The following HMCN2 variants were observed in gnomAD, a reference collection of about 807,000 sequenced individuals.
The protein encoded by HMCN2 is hemicentin 2.
In HMCN2, 325 loss-of-function variants were observed where a neutral mutation model predicts 377.5. The ratio of observed to expected loss-of-function variants is 0.86; its 90% confidence interval spans 0.79 to 0.94. HMCN2 has a LOEUF of 0.94. Among genes scored for constraint, HMCN2 ranks in the 40% least tolerant of loss-of-function variants. The pLI, the probability that HMCN2 is intolerant of heterozygous loss-of-function variation, is 0.00. For missense variants in HMCN2, 4,543 were observed against 4,725.3 expected (o/e 0.96, Z 1.13); for synonymous variants, 2,007 against 2,046.8 (o/e 0.98, Z 0.53).
At chr9:130,348,486 C>T in intron 26 of HMCN2, 59 bp from the exon 27 acceptor site, 4 of 1,287,946 alleles carry the variant, frequency 3.1e-6, no homozygotes, top group Non-Finnish European at 4.1e-6. Flanking sequence ...GATGAGGTCC[C>T]TTCGGCTGTG....
At chr9:130,329,756 T>C (rs1051358699) in intron 22 of HMCN2, among the ~76,000 whole-genome samples, 2 of 151,784 alleles carry the variant, frequency 1.3e-5, no homozygotes, top group African/African-American at 4.8e-5. Flanking sequence ...GCCTCACTTT[T>C]GATTGTACTT....
At position 130,372,367 on chromosome 9, in the gene HMCN2, G is replaced by C; in HGVS notation, c.7311G>C (p.Glu2437Asp). The C allele has an allele frequency of 2.0e-6, 2 of 985,954 alleles. No individual in the cohort carries two copies. The highest frequency in any genetic ancestry group is 1.2e-6 in the Non-Finnish European group (1 of 830,038). The allele number at this position is 985,954 out of a possible 1,614,324, so 61.1% of individuals were successfully genotyped here. A position where few individuals can be genotyped will look rare whatever the true frequency, so the allele number is the denominator to read the frequency against. The change falls in exon 47 of 98, where the codon GAG (glutamate) becomes GAC (aspartate). Residue 2437 changes from glutamate (E) to aspartate (D), a missense_variant. Around this residue, in one of 5 missense-constraint regions of HMCN2, gnomAD observed 1,032 missense variants for 1,285.1 expected, o/e 0.80. Coordinates refer to ENST00000683500, the MANE Select transcript of HMCN2 (RefSeq NM_001291815.2). ...TCTACTCATGCCTGGCAAGCAACGAGGCTGGGGAGGCACGGAGGAACTTCA... is the reference window on the plus strand; with the variant it reads ...TCTACTCATGCCTGGCAAGCAACGACGCTGGGGAGGCACGGAGGAACTTCA... ...SGLYSCLASN[E>D]AGEARRNFSV...
chr9:130,284,840 C>T (rs183791822), intron 2 of HMCN2, among the ~76,000 whole-genome samples, 167 bp downstream of exon 2: 1 of 152,316 alleles, frequency 6.6e-6, no homozygotes, highest in African/African-American at 2.4e-5. Flanking sequence ...CCCATGGCCC[C>T]CTCCATCCTT....
At chr9:130,282,140 C>A (rs114083961) in intron 1 of HMCN2, among the ~76,000 whole-genome samples, 288 of 152,324 alleles carry the variant, frequency 1.9e-3, no homozygotes, top group African/African-American at 6.3e-3. Context: ...CATATTGAAG[C>A]AACACTGTCT....
chr9:130,342,530 C>A (rs2131482615), intron 25 of HMCN2, 94 bp downstream of exon 25: 1 of 152,346 alleles, frequency 6.6e-6, no homozygotes, highest in African/African-American at 2.4e-5. Context: ...TTGCACGTGG[C>A]AGGCCCACGG....
intron 62 of HMCN2, among the ~76,000 whole-genome samples, chr9:130,390,255 C>T (rs1842239350): frequency 6.6e-6 from 1 of 152,184 alleles, no homozygotes; most frequent in Non-Finnish European, 1.5e-5. Flanking sequence ...CTCCCCCACC[C>T]TTCCTGTCCC....
chr9:130,399,399 C>T, intron 75 of HMCN2, 112 bp from the exon 76 acceptor site: 1 of 1,132,246 alleles, frequency 8.8e-7, no homozygotes, highest in Non-Finnish European at 1.1e-6. Context: ...AGAGTCAGGG[C>T]TGGAGGTCAG....
chr9:130,330,589 C>T lies in HMCN2; in HGVS notation c.3359+3114C>T, dbSNP rs1011231346. ...AGGTGGGCCACTGCTCTCTGAACTCCTAGGTATCTTCGACCCCCCCAAGTC... is the reference window on the plus strand; with the variant it reads ...AGGTGGGCCACTGCTCTCTGAACTCTTAGGTATCTTCGACCCCCCCAAGTC... On this transcript the variant is annotated intron_variant, in intron 22 of 97. Transcript: ENST00000683500. Among the ~76,000 whole-genome samples, 58 of 152,156 alleles carry T rather than the reference C, an allele frequency of 3.8e-4. 1 individual carries two copies. The South Asian group carries it at 9.3e-3, about 25-fold the overall frequency.
chr9:130,316,006 C>T (rs1287480816), intron 15 of HMCN2, among the ~76,000 whole-genome samples: 6 of 152,158 alleles, frequency 3.9e-5, no homozygotes, highest in East Asian at 3.9e-4. Context: ...CAGTTCAGCC[C>T]GTAGCAGACA....
At position 130,304,512 on chromosome 9, in the gene HMCN2, G is replaced by T. The variant is rs962810194; in HGVS notation, c.1544-218G>T. Reference sequence around the variant, plus strand: ...GGCGTGTACCGTGCAGCCCCTGGCAGGTGTATAATGGTGGTGGGAGAAGTG... The same window carrying T: ...GGCGTGTACCGTGCAGCCCCTGGCATGTGTATAATGGTGGTGGGAGAAGTG... On this transcript the variant is annotated intron_variant, in intron 10 of 97. Coordinates refer to ENST00000683500, the MANE Select transcript of HMCN2 (RefSeq NM_001291815.2). This position sits in a 1 kb window ranked among gnomAD's most constrained non-coding sequence, Gnocchi z 4.3. 2.0e-5 allele frequency among the ~76,000 whole-genome samples: 3 copies of T among 152,230 alleles called. No homozygotes were observed. The highest frequency in any genetic ancestry group is 1.3e-4 in the Admixed American group (2 of 15,286).
intron 15 of HMCN2, among the ~76,000 whole-genome samples, chr9:130,313,656 T>C (rs2131375940): frequency 6.6e-6 from 1 of 151,204 alleles, no homozygotes; most frequent in South Asian, 2.1e-4. Context: ...CTCGGTGAGG[T>C]GGGGCGACTC....
rs994871924 is a variant in HMCN2, at chr9:130,361,340, C to T, written c.5951-668C>T. Among the ~76,000 whole-genome samples, 18 of 152,204 alleles carry T rather than the reference C, an allele frequency of 1.2e-4. No individual in the cohort carries two copies. Among genetic ancestry groups the T allele is most frequent in the African/African-American group, 4.3e-4 (18 of 41,442 alleles). On this transcript the variant is annotated intron_variant, in intron 38 of 97. Coordinates refer to ENST00000683500, the MANE Select transcript of HMCN2 (RefSeq NM_001291815.2). This position sits in a 1 kb window ranked among gnomAD's most constrained non-coding sequence, Gnocchi z 4.8. ...GGAGGCATCTTTGACACTTGGATAC[C>T]TACACTGAGGTCTCTGCCAAGGCCT...
Position 130,433,718 on chromosome 9 carries a change from C to T in HMCN2, c.*25C>T. ...AACGGGAGAGGGCATTGGCGGCCGCCCTGGCGTGACCCCCGAGGAAGGGGT... is the reference window on the plus strand; with the variant it reads ...AACGGGAGAGGGCATTGGCGGCCGCTCTGGCGTGACCCCCGAGGAAGGGGT... On this transcript the variant is annotated 3_prime_UTR_variant, in exon 98 of 98. Coordinates refer to ENST00000683500, the MANE Select transcript of HMCN2 (RefSeq NM_001291815.2). The T allele has an allele frequency of 7.1e-7, 1 of 1,416,512 alleles. No homozygotes were observed. Among genetic ancestry groups the T allele is most frequent in the Non-Finnish European group, 9.2e-7 (1 of 1,083,468 alleles). The allele number at this position is 1,416,512 out of a possible 1,614,324, so 87.7% of individuals were successfully genotyped here.
In HMCN2 at chr9:130,369,135, CCTAT is replaced by C. The variant is rs369816618; in HGVS notation, c.6788-431_6788-428del. Among the ~76,000 whole-genome samples, 202 of 152,274 alleles carry C rather than the reference CCTAT, an allele frequency of 1.3e-3. 3 individuals carry two copies. Among genetic ancestry groups the C allele is most frequent in the African/African-American group, 4.1e-3 (171 of 41,538 alleles). ...CCTATATATGATGGAAACCTAAAGCCCTATCTACTGGTCCTGCAGTGATGAAATG... is the reference window on the plus strand; with the variant it reads ...CCTATATATGATGGAAACCTAAAGCCCTACTGGTCCTGCAGTGATGAAATG... On this transcript the variant is annotated intron_variant, in intron 44 of 97. Transcript: ENST00000683500. The surrounding 1 kb of genome is among the most constrained non-coding windows in gnomAD (Gnocchi z 4.5).
chr9:130,393,453 C>A lies in HMCN2; in HGVS notation c.10234+144C>A. The A allele has an allele frequency of 4.2e-6, 2 of 477,820 alleles. No individual in the cohort carries two copies. Among genetic ancestry groups the A allele is most frequent in the Non-Finnish European group, 5.7e-6 (2 of 347,926 alleles). The allele number at this position is 477,820 out of a possible 1,614,324, so 29.6% of individuals were successfully genotyped here. Reference sequence around the variant, plus strand: ...GCGGACACTGCGGCTCAGTCTCTGACTCACTGTATTGCTCGTTTGTACCTC... The same window carrying A: ...GCGGACACTGCGGCTCAGTCTCTGAATCACTGTATTGCTCGTTTGTACCTC... On this transcript the variant is annotated intron_variant, in intron 67 of 97. Transcript: ENST00000683500. This position sits in a 1 kb window ranked among gnomAD's most constrained non-coding sequence, Gnocchi z 5.2.
chr9:130,428,497 G>A lies in HMCN2; in HGVS notation c.14197+8G>A. On this transcript the variant is annotated splice_region_variant and intron_variant, in intron 93 of 97. Coordinates refer to ENST00000683500, the MANE Select transcript of HMCN2 (RefSeq NM_001291815.2). The surrounding 1 kb of genome is among the most constrained non-coding windows in gnomAD (Gnocchi z 5.0). The stretch of plus-strand genomic sequence containing the variant: ...ATGGGGCCGGCTGTGAAGGTGATGG[G>A]GGCACAGCATGCGGCCTGTCCATAC... 6.5e-7 allele frequency: 1 copy of A among 1,538,762 alleles called. No homozygotes were observed. Among genetic ancestry groups the A allele is most frequent in the Non-Finnish European group, 8.7e-7 (1 of 1,146,858 alleles).
chr9:130,347,443 T>A lies in HMCN2; in HGVS notation c.4024+83T>A, dbSNP rs945232986. On this transcript the variant is annotated intron_variant, in intron 26 of 97. Coordinates refer to ENST00000683500, the MANE Select transcript of HMCN2 (RefSeq NM_001291815.2). The surrounding 1 kb of genome is among the most constrained non-coding windows in gnomAD (Gnocchi z 5.1). ...GGCCTGTCTTCCTCCCAGGACCGCA[T>A]CCGGCCAGAGGCCCACAGTGAAGCC... The A allele has an allele frequency of 6.6e-6, 1 of 152,134 alleles. No homozygotes were observed. Among genetic ancestry groups the A allele is most frequent in the Non-Finnish European group, 1.5e-5 (1 of 68,118 alleles). 9.4% of individuals were successfully genotyped at this position (152,134 alleles called of 1,614,324 possible).
chr9:130,358,566 G>T (rs1840178887), intron 36 of HMCN2, 80 bp downstream of exon 36: 1 of 1,252,070 alleles, frequency 8.0e-7, no homozygotes, highest in Admixed American at 2.3e-5. Flanking sequence ...GAAGTGTGTG[G>T]CGAGGGAGGG....
At position 130,355,090 on chromosome 9, in the gene HMCN2, C is replaced by G. The variant is rs996537589; in HGVS notation, c.5146+46C>G. ...TCAGAGCTGCCTGGGCTGTGGACGTCTGCCCAGGCCTGCTGCGTGCTTGTC... is the reference window on the plus strand; with the variant it reads ...TCAGAGCTGCCTGGGCTGTGGACGTGTGCCCAGGCCTGCTGCGTGCTTGTC... On this transcript the variant is annotated intron_variant, in intron 32 of 97. Coordinates refer to ENST00000683500, the MANE Select transcript of HMCN2 (RefSeq NM_001291815.2). 3 of 1,219,144 alleles carry G rather than the reference C, an allele frequency of 2.5e-6. No individual in the cohort carries two copies. In the African/African-American group the frequency reaches 4.7e-5, roughly 19 times the overall value. The allele number at this position is 1,219,144 out of a possible 1,614,324, so 75.5% of individuals were successfully genotyped here. A position where few individuals can be genotyped will look rare whatever the true frequency, so the allele number is the denominator to read the frequency against.
Sources: gnomAD v4.1 joint callset for allele counts (sites outside exome capture counted in the v4.1 genomes callset) on GRCh38, gnomAD v4.1.1 for gene constraint, gnomAD v4.1.1 regional missense constraint, Gnocchi (gnomAD v3.1) non-coding constraint, MANE v1.5 for transcripts, NCBI Gene and HGNC (gene_info 2026-07-23, HGNC 2026-07-21) for gene names.